The following OSTC variants were observed in gnomAD, a reference collection of about 807,000 sequenced individuals.
The protein encoded by OSTC is oligosaccharyltransferase complex subunit OSTC.
A neutral mutation model predicts 16.4 loss-of-function variants in OSTC; 16 were observed. That is an observed-to-expected ratio of 0.98 (90% CI 0.66 to 1.49). OSTC has a LOEUF of 1.49. OSTC is among the 40% of genes most tolerant of loss of function. The pLI is 0.00. For missense variants in OSTC, 139 were observed against 186.3 expected, an observed-to-expected ratio of 0.75 and a Z score of 1.48; for synonymous variants, 67 against 68.5, an observed-to-expected ratio of 0.98 and a Z score of 0.11.
intron 3 of OSTC, among the ~76,000 whole-genome samples, chr4:108,661,661 G>A (rs180785469): frequency 4.0e-4 from 61 of 152,182 alleles, no homozygotes; most frequent in Non-Finnish European, 6.3e-4. Context: ...GCAATGGCGC[G>A]GTCTCGGCTC....
intron 3 of OSTC, among the ~76,000 whole-genome samples, chr4:108,662,309 T>C (rs1231316854): frequency 6.6e-6 from 1 of 152,254 alleles, no homozygotes; most frequent in Non-Finnish European, 1.5e-5. Context: ...TTCCATGTAA[T>C]TGAAAATACA....
chr4:108,657,301 A>C (rs1726735019), intron 2 of OSTC, 149 bp from the exon 3 acceptor site: 1 of 666,092 alleles, frequency 1.5e-6, no homozygotes, highest in African/African-American at 1.8e-5. Context: ...GGACAGATGA[A>C]TATCCAGAGG....
intron 3 of OSTC, among the ~76,000 whole-genome samples, chr4:108,665,446 T>A (rs919188973): frequency 1.8e-4 from 4 of 22,440 alleles, no homozygotes; most frequent in Non-Finnish European, 3.3e-4. Flanking sequence ...GTTGTAAACC[T>A]TTTTTTTTTT....
At chr4:108,659,848 A>G (rs1726807779) in intron 3 of OSTC, among the ~76,000 whole-genome samples, 1 of 152,202 alleles carries the variant, frequency 6.6e-6, no homozygotes, top group African/African-American at 2.4e-5. Flanking sequence ...GAACAGAGAA[A>G]GTGTCCTGGT....
In OSTC at chr4:108,658,289, T is replaced by G. The variant is rs535822166; in HGVS notation, c.431+642T>G. ...TCTGTAACACAGAATTCCAGTAGTA[T>G]TAATGGTAGGGAATAGCTTCAGATC... On this transcript the variant is annotated intron_variant, in intron 3 of 3. Transcript: ENST00000361564. 2.0e-5 allele frequency among the ~76,000 whole-genome samples: 3 copies of G among 152,240 alleles called. No individual in the cohort carries two copies. The East Asian group carries it at 5.8e-4, about 29-fold the overall frequency.
intron 3 of OSTC, 55 bp from the exon 4 acceptor site, chr4:108,667,189 TAAG>T: frequency 7.0e-7 from 1 of 1,424,730 alleles, no homozygotes; most frequent in Non-Finnish European, 9.7e-7. Flanking sequence ...ACTATGATAA[TAAG>T]AGAATATAAA....
At chr4:108,650,984 T>A in intron 1 of OSTC, 190 bp downstream of exon 1, 2 of 741,324 alleles carry the variant, frequency 2.7e-6, no homozygotes, top group Non-Finnish European at 4.2e-6. Context: ...CGCCCTGTCT[T>A]AAGAGAATTC....
chr4:108,665,020 T>TA (rs1450272076), intron 3 of OSTC, among the ~76,000 whole-genome samples: 9 of 152,144 alleles, frequency 5.9e-5, no homozygotes, highest in African/African-American at 1.9e-4. Context: ...GCCAGGCTGA[T>TA]ACAGCAGAAA....
At chr4:108,655,928 G>A (rs1295736615) in intron 2 of OSTC, among the ~76,000 whole-genome samples, 1 of 152,198 alleles carries the variant, frequency 6.6e-6, no homozygotes, top group Non-Finnish European at 1.5e-5. Flanking sequence ...CTGGGGGTCA[G>A]TGAACTATAG....
rs1726530822 is a variant in OSTC, at chr4:108,651,176, G to A, written c.139+382G>A. On this transcript the variant is annotated intron_variant, in intron 1 of 3. Coordinates refer to ENST00000361564, the MANE Select transcript of OSTC (RefSeq NM_021227.4). ...TTTCCATGGTTGGTTGTTTGATAAA[G>A]GTCCTGGGAAGGTCTAATTTGGCCA... is the stretch of plus-strand genomic sequence containing the variant. 5 of 196,072 alleles carry A rather than the reference G, an allele frequency of 2.6e-5. No homozygotes were observed. The South Asian group carries it at 4.3e-4, about 17-fold the overall frequency. 12.1% of individuals were successfully genotyped at this position (196,072 alleles called of 1,614,324 possible).
chr4:108,667,126 AT>A lies in OSTC; in HGVS notation c.432-116del. 9.6e-6 allele frequency: 7 copies of A among 729,056 alleles called. No homozygotes were observed. The South Asian group carries it at 1.3e-4, about 14-fold the overall frequency. 45.2% of individuals were successfully genotyped at this position (729,056 alleles called of 1,614,324 possible). A position where few individuals can be genotyped will look rare whatever the true frequency, so the allele number is the denominator to read the frequency against. On this transcript the variant is annotated intron_variant, in intron 3 of 3. Transcript: ENST00000361564. ...CCATAATAAAGAATCACGCAATTAT[AT>A]TTTTGGATTGTTATTTGATATATCA...
At chr4:108,659,222 G>A (rs62314887) in intron 3 of OSTC, among the ~76,000 whole-genome samples, 2 of 151,438 alleles carry the variant, frequency 1.3e-5, no homozygotes, top group Non-Finnish European at 1.5e-5. Flanking sequence ...CTTCATGATC[G>A]ACCCGCCTCA....
intron 1 of OSTC, among the ~76,000 whole-genome samples, chr4:108,653,716 G>A (rs1167301967): frequency 1.3e-5 from 2 of 152,198 alleles, no homozygotes; most frequent in Non-Finnish European, 2.9e-5. Context: ...TATGTCACAT[G>A]TGCAGATGGG....
chr4:108,661,603 CT>C (rs1726859477), intron 3 of OSTC, among the ~76,000 whole-genome samples: 1 of 151,964 alleles, frequency 6.6e-6, no homozygotes, highest in African/African-American at 2.4e-5. Context: ...CTTTTCTTTT[CT>C]TTTTTCCTTT....
At chr4:108,663,522 T>C (rs1726917270) in intron 3 of OSTC, among the ~76,000 whole-genome samples, 1 of 152,216 alleles carries the variant, frequency 6.6e-6, no homozygotes, top group African/African-American at 2.4e-5. Flanking sequence ...CATTACTGTT[T>C]CTAAAAGAAG....
At chr4:108,653,811 T>C (rs1001268271) in intron 1 of OSTC, among the ~76,000 whole-genome samples, 3 of 152,166 alleles carry the variant, frequency 2.0e-5, no homozygotes, top group Admixed American at 2.0e-4. Flanking sequence ...TTGAAGAGTA[T>C]AGGCAAAGTC....
chr4:108,651,712 G>GGAAAT (rs1726555037), intron 1 of OSTC, among the ~76,000 whole-genome samples: 1 of 152,144 alleles, frequency 6.6e-6, no homozygotes, highest in Non-Finnish European at 1.5e-5. Flanking sequence ...GGGAAGTGGT[G>GGAAAT]TACTTAACCT....
At chr4:108,652,943 G>A (rs1216606477) in intron 1 of OSTC, among the ~76,000 whole-genome samples, 1 of 152,200 alleles carries the variant, frequency 6.6e-6, no homozygotes, top group East Asian at 1.9e-4. Flanking sequence ...TGAGGCTGAG[G>A]CAGGAGAATT....
intron 2 of OSTC, among the ~76,000 whole-genome samples, chr4:108,656,318 C>CT (rs1404475964): frequency 2.0e-5 from 3 of 151,970 alleles, no homozygotes; most frequent in African/African-American, 7.2e-5. Flanking sequence ...TAGAATATTT[C>CT]TGGAAAGATT....
Sources: gnomAD v4.1 joint callset for allele counts (sites outside exome capture counted in the v4.1 genomes callset) on GRCh38, gnomAD v4.1.1 for gene constraint, MANE v1.5 for transcripts, NCBI Gene and HGNC (gene_info 2026-07-23, HGNC 2026-07-21) for gene names.